The following TRIQK variants were observed in gnomAD, a reference collection of about 807,000 sequenced individuals.
TRIQK encodes triple QxxK/R motif-containing protein.
Under a neutral mutation model 10.8 loss-of-function variants are expected in TRIQK, and 10 were observed. The observed-to-expected ratio is 0.92, with a 90% CI of 0.57 to 1.57. TRIQK has a LOEUF of 1.57. Among genes scored for constraint, TRIQK ranks in the 40% most tolerant of loss-of-function variants. TRIQK has a pLI of 0.00. For missense variants in TRIQK, 107 were observed against 97.7 expected, an observed-to-expected ratio of 1.09 and a Z score of -0.40; for synonymous variants, 33 against 33.7, an observed-to-expected ratio of 0.98 and a Z score of 0.07.
chr8:92,927,973 A>G (rs1190991287), intron 2 of TRIQK: 7 of 152,230 alleles, frequency 4.6e-5, no homozygotes, highest in Non-Finnish European at 1.0e-4. Context: ...TTTCCATTTA[A>G]GATGGCTTCA....
Position 92,908,937 on chromosome 8 carries a change from C to T in TRIQK, c.61+7992G>A, listed in dbSNP as rs112586133. Among the ~76,000 whole-genome samples, 10 of 152,012 alleles carry T rather than the reference C, an allele frequency of 6.6e-5. No individual in the cohort carries two copies. In the East Asian group the frequency reaches 1.9e-3, roughly 29 times the overall value. The stretch of plus-strand genomic sequence containing the variant: ...AAATGCTTCCAATCCCTCCTCCCTT[C>T]GTCAAAAAGCAATATACTACTTGGA... On this transcript the variant is annotated intron_variant, in intron 3 of 4. Transcript: ENST00000521988.
intron 2 of TRIQK, among the ~76,000 whole-genome samples, chr8:92,949,625 GAGGA>G (rs753433795): frequency 0.01 from 1,370 of 135,328 alleles, 18 homozygotes; most frequent in Non-Finnish European, 0.018. Context: ...GGGAGGGAGG[GAGGA>G]AGGAAGGAAG....
At chr8:92,988,153 G>GGTA (rs1813056748) in intron 1 of TRIQK, among the ~76,000 whole-genome samples, 1 of 151,480 alleles carries the variant, frequency 6.6e-6, no homozygotes, top group Non-Finnish European at 1.5e-5. Flanking sequence ...TGGGACTACA[G>GGTA]GCGCCCACCA....
intron 1 of TRIQK, among the ~76,000 whole-genome samples, chr8:92,961,987 T>C (rs576015047): frequency 6.6e-6 from 1 of 152,326 alleles, no homozygotes; most frequent in East Asian, 1.9e-4. Context: ...TTTACCTTTT[T>C]ATTGTTTAAC....
At chr8:92,919,434 C>T (rs971840410) in intron 2 of TRIQK, among the ~76,000 whole-genome samples, 7 of 151,806 alleles carry the variant, frequency 4.6e-5, no homozygotes, top group African/African-American at 1.7e-4. Context: ...TGTTGTGATA[C>T]ATCATGTTTA....
chr8:92,893,655 C>A (rs1816871166), intron 3 of TRIQK, among the ~76,000 whole-genome samples: 1 of 151,940 alleles, frequency 6.6e-6, no homozygotes, highest in Non-Finnish European at 1.5e-5. Context: ...TCAAACTATT[C>A]ATGTCATTAT....
At chr8:92,897,690 G>A in intron 3 of TRIQK, among the ~76,000 whole-genome samples, 1 of 152,074 alleles carries the variant, frequency 6.6e-6, no homozygotes, top group Non-Finnish European at 1.5e-5. Context: ...AGCACCAAAT[G>A]GACTAAGACA....
chr8:92,951,070 T>C (rs1811872983), intron 2 of TRIQK, among the ~76,000 whole-genome samples: 1 of 152,120 alleles, frequency 6.6e-6, no homozygotes, highest in South Asian at 2.1e-4. Context: ...AAAAGCTATG[T>C]AAACAATTGT....
intron 1 of TRIQK, among the ~76,000 whole-genome samples, chr8:93,017,159 GA>G (rs1813392809): frequency 1.2e-5 from 1 of 81,728 alleles, no homozygotes; most frequent in Non-Finnish European, 2.6e-5. Context: ...GAGAGAGAGA[GA>G]GAGAGAGATG....
intron 3 of TRIQK, among the ~76,000 whole-genome samples, chr8:92,902,820 T>C (rs1276335216): frequency 1.3e-5 from 2 of 152,082 alleles, no homozygotes; most frequent in African/African-American, 4.8e-5. Context: ...TTGTTCCCTT[T>C]GATTTTTGTT....
At chr8:92,967,505 C>G (rs2130734404), upstream of TRIQK, among the ~76,000 whole-genome samples, 1 of 152,002 alleles carries the variant, frequency 6.6e-6, no homozygotes, top group East Asian at 1.9e-4. Context: ...ACTCAGAGTC[C>G]CCATTTTCTT....
intron 2 of TRIQK, among the ~76,000 whole-genome samples, chr8:92,918,847 A>C (rs2130472621): frequency 6.6e-6 from 1 of 150,628 alleles, no homozygotes; most frequent in Middle Eastern, 3.4e-3. Context: ...GTCATTTCAT[A>C]GTTTTATGTC....
At chr8:92,934,070 T>C (rs539152513) in intron 2 of TRIQK, among the ~76,000 whole-genome samples, 1 of 152,138 alleles carries the variant, frequency 6.6e-6, no homozygotes, top group South Asian at 2.1e-4. Flanking sequence ...ATTATTTTTG[T>C]AATGGTGGCT....
chr8:92,899,336 T>C (rs1808796709), intron 3 of TRIQK, among the ~76,000 whole-genome samples: 1 of 152,032 alleles, frequency 6.6e-6, no homozygotes. Context: ...CTAGATCTTA[T>C]TCATTCTTAC....
chr8:92,898,822 G>GGTGTGTGT (rs1333719256), intron 3 of TRIQK, among the ~76,000 whole-genome samples: 4 of 74,042 alleles, frequency 5.4e-5, no homozygotes, highest in African/African-American at 2.2e-4. Flanking sequence ...GTACATAATA[G>GGTGTGTGT]GTGTGTGTGT....
Position 92,909,450 on chromosome 8 carries a change from T to C in TRIQK, c.61+7479A>G, listed in dbSNP as rs190082220. On this transcript the variant is annotated intron_variant, in intron 3 of 4. Transcript: ENST00000521988. ...AAATTATTTGGAGATATCCAGAATATAGAGAGCAGGCTGGTAAATTCATCA... is the reference window on the plus strand; with the variant it reads ...AAATTATTTGGAGATATCCAGAATACAGAGAGCAGGCTGGTAAATTCATCA... 2.0e-5 allele frequency among the ~76,000 whole-genome samples: 3 copies of C among 151,924 alleles called. No individual in the cohort carries two copies. The East Asian group carries it at 5.8e-4, about 29-fold the overall frequency.
At chr8:92,915,163 A>C (rs915248070) in intron 3 of TRIQK, among the ~76,000 whole-genome samples, 4 of 152,192 alleles carry the variant, frequency 2.6e-5, no homozygotes, top group Admixed American at 2.6e-4. Flanking sequence ...AACGGATGTC[A>C]AATATGTAGA....
At chr8:92,980,638 T>C (rs1014039166) in intron 1 of TRIQK, among the ~76,000 whole-genome samples, 1 of 152,050 alleles carries the variant, frequency 6.6e-6, no homozygotes, top group African/African-American at 2.4e-5. Flanking sequence ...GACTTAGAAA[T>C]GCATACTTTC....
chr8:92,998,765 TA>T (rs1276744719), intron 1 of TRIQK, among the ~76,000 whole-genome samples: 8 of 152,070 alleles, frequency 5.3e-5, no homozygotes, highest in Non-Finnish European at 7.4e-5. Context: ...ATGACAACCT[TA>T]AGGGACTCAT....
Sources: gnomAD v4.1 joint callset for allele counts (sites outside exome capture counted in the v4.1 genomes callset) on GRCh38, gnomAD v4.1.1 for gene constraint, MANE v1.5 for transcripts, NCBI Gene and HGNC (gene_info 2026-07-23, HGNC 2026-07-21) for gene names.